FHIT: variants seen among roughly 807,000 people sequenced by gnomAD.
FHIT encodes the protein fragile histidine triad diadenosine triphosphatase.
In FHIT, 19 loss-of-function variants were observed where a neutral mutation model predicts 17.9. The ratio of observed to expected loss-of-function variants is 1.06; its 90% CI spans 0.74 to 1.56. The LOEUF (loss-of-function observed/expected upper bound fraction) is 1.56. Ranked by LOEUF, FHIT falls within the 40% of genes most tolerant of loss-of-function variation. FHIT has a pLI of 0.00. For missense variants in FHIT, 248 were observed against 189.2 expected (o/e 1.31, Z -1.82); for synonymous variants, 81 against 69.7 (o/e 1.16, Z -0.81).
At chr3:59,780,598 G>C (rs949822951) in intron 8 of FHIT, among the ~76,000 whole-genome samples, 3 of 152,158 alleles carry the variant, frequency 2.0e-5, no homozygotes, top group Non-Finnish European at 4.4e-5. Flanking sequence ...TGTTAGTAGG[G>C]CCTTCGCAGA....
intron 5 of FHIT, among the ~76,000 whole-genome samples, chr3:60,196,023 T>C (rs185876673): frequency 2.1e-4 from 32 of 152,266 alleles, no homozygotes; most frequent in African/African-American, 6.5e-4. Flanking sequence ...CCTAAAGCTA[T>C]TGAAATTTGT....
intron 3 of FHIT, among the ~76,000 whole-genome samples, chr3:61,037,783 T>C (rs1290059029): frequency 6.6e-6 from 1 of 152,250 alleles, no homozygotes; most frequent in Non-Finnish European, 1.5e-5. Flanking sequence ...AGTAGGCCTT[T>C]GCCAAATGCA....
intron 4 of FHIT, among the ~76,000 whole-genome samples, chr3:60,636,159 C>T (rs997056103): frequency 5.9e-5 from 9 of 152,078 alleles, no homozygotes; most frequent in African/African-American, 2.2e-4. Context: ...CAACCTCCAC[C>T]TCTCAGGTTC....
chr3:60,140,699 C>T (rs937267483), intron 5 of FHIT, among the ~76,000 whole-genome samples: 2 of 151,888 alleles, frequency 1.3e-5, no homozygotes, highest in Non-Finnish European at 2.9e-5. Context: ...CTGCCTCAGC[C>T]TCCCAAATAG....
chr3:60,468,889 GTCTT>G (rs1295699517), intron 5 of FHIT, among the ~76,000 whole-genome samples: 19 of 152,080 alleles, frequency 1.2e-4, no homozygotes, highest in African/African-American at 3.6e-4. Flanking sequence ...GTCTGGGAAA[GTCTT>G]TATTTCTCCT....
chr3:60,967,241 T>C (rs1007218522), intron 3 of FHIT, among the ~76,000 whole-genome samples: 1 of 152,220 alleles, frequency 6.6e-6, no homozygotes, highest in Non-Finnish European at 1.5e-5. Flanking sequence ...TGTGGGAATA[T>C]GTATGAACGT....
chr3:61,078,279 C>G (rs901079284), intron 2 of FHIT, among the ~76,000 whole-genome samples: 12 of 152,258 alleles, frequency 7.9e-5, no homozygotes, highest in African/African-American at 2.9e-4. Context: ...ATTCCAGCTT[C>G]TAATTAATTT....
At chr3:60,146,698 A>C (rs1344718207) in intron 5 of FHIT, among the ~76,000 whole-genome samples, 1 of 152,146 alleles carries the variant, frequency 6.6e-6, no homozygotes, top group Non-Finnish European at 1.5e-5. Context: ...CTAAGAAAGA[A>C]GCACTGTGCG....
At chr3:60,181,623 A>G (rs558713066) in intron 5 of FHIT, among the ~76,000 whole-genome samples, 1 of 152,316 alleles carries the variant, frequency 6.6e-6, no homozygotes, top group East Asian at 1.9e-4. Context: ...GTTGTTAGTA[A>G]AGACATGTTT....
intron 5 of FHIT, among the ~76,000 whole-genome samples, chr3:60,498,835 T>TA (rs548636298): frequency 0.089 from 13,401 of 150,014 alleles, 664 homozygotes; most frequent in East Asian, 0.1. Context: ...AAGCTCAACT[T>TA]AAAAAAAAAA....
intron 3 of FHIT, among the ~76,000 whole-genome samples, chr3:60,878,426 G>A (rs1394595074): frequency 6.6e-6 from 1 of 151,968 alleles, no homozygotes. Flanking sequence ...ATCAGAATAG[G>A]AGGACCCCAA....
intron 5 of FHIT, among the ~76,000 whole-genome samples, chr3:60,286,170 G>C (rs901511354): frequency 2.0e-5 from 3 of 152,188 alleles, no homozygotes; most frequent in African/African-American, 7.2e-5. Context: ...TCCACCTCCT[G>C]ATAGTGTATG....
chr3:61,249,271 C>A (rs984935493), intron 1 of FHIT, among the ~76,000 whole-genome samples: 5 of 152,150 alleles, frequency 3.3e-5, no homozygotes, highest in African/African-American at 1.2e-4. Flanking sequence ...TGACCTTGGG[C>A]AAACTGCTTT....
intron 5 of FHIT, among the ~76,000 whole-genome samples, chr3:60,477,652 C>A (rs59527845): frequency 0.036 from 5,500 of 152,176 alleles, 311 homozygotes; most frequent in African/African-American, 0.12. Flanking sequence ...GAATTTCATG[C>A]CAAAAGATTA....
chr3:60,071,075 C>T (rs145837536), intron 5 of FHIT, among the ~76,000 whole-genome samples: 1 of 152,286 alleles, frequency 6.6e-6, no homozygotes, highest in Non-Finnish European at 1.5e-5. Context: ...CTCTATATTT[C>T]CACCCTCATC....
intron 5 of FHIT, among the ~76,000 whole-genome samples, chr3:60,503,798 G>A (rs910487814): frequency 6.6e-6 from 1 of 152,206 alleles, no homozygotes; most frequent in African/African-American, 2.4e-5. Context: ...AACTGTTTTG[G>A]AGAAGATGGA....
chr3:61,167,224 A>G (rs772613185), intron 2 of FHIT, among the ~76,000 whole-genome samples: 2 of 151,800 alleles, frequency 1.3e-5, no homozygotes, highest in Non-Finnish European at 2.9e-5. Flanking sequence ...TTATATTTAT[A>G]TCCCTATTAA....
intron 5 of FHIT, among the ~76,000 whole-genome samples, chr3:60,124,727 C>A (rs1168665583): frequency 6.6e-6 from 1 of 152,310 alleles, no homozygotes. Context: ...TAATGTTACT[C>A]TTATTTGGCA....
At chr3:60,799,679 G>T (rs984779965) in intron 4 of FHIT, among the ~76,000 whole-genome samples, 1 of 151,958 alleles carries the variant, frequency 6.6e-6, no homozygotes, top group South Asian at 2.1e-4. Flanking sequence ...CCTTTTTCGG[G>T]GCTACTTTTT....
Sources: allele counts gnomAD v4.1 joint callset (sites outside exome capture counted in the v4.1 genomes callset), GRCh38; gene constraint gnomAD v4.1.1; transcripts MANE v1.5; gene names NCBI Gene and HGNC (gene_info 2026-07-23, HGNC 2026-07-21).